The following TTYH2 variants were observed in gnomAD, a reference collection of about 807,000 sequenced individuals.
The protein encoded by TTYH2 is tweety family member 2.
A neutral mutation model predicts 68.3 loss-of-function variants in TTYH2; 49 were observed. The ratio of observed to expected loss-of-function variants is 0.72; its 90% confidence interval spans 0.57 to 0.91. The LOEUF (loss-of-function observed/expected upper bound fraction) is 0.91, where lower values mean the gene tolerates loss of function less well. Among genes scored for constraint, TTYH2 ranks in the 40% least tolerant of loss-of-function variants. The probability of loss-of-function intolerance (pLI) is 0.00; values close to 1 mark genes in which losing one functional copy is unlikely to be tolerated. For synonymous variants in TTYH2, 272 were observed against 300.8 expected, an observed-to-expected ratio of 0.90 and a Z score of 0.99; for missense variants, 631 against 700.4, an observed-to-expected ratio of 0.90 and a Z score of 1.12.
rs957824480 is a variant in TTYH2 at position 74,223,926 on chromosome 17, G to A, written c.302+1269G>A. 6.6e-5 allele frequency among the ~76,000 whole-genome samples: 10 copies of A among 152,356 alleles called. No individual in the cohort carries two copies. The East Asian group carries it at 1.4e-3, about 21-fold the overall frequency. ...GGCTCACCTAAGCCAAAACGCAGGC[G>A]AGACGCTAAAGCAGCCTTGTGGGGC... On this transcript the variant is annotated intron_variant, in intron 2 of 13. Transcript: ENST00000269346.
In TTYH2 at chr17:74,250,245, TCG is replaced by T. The variant is rs111326582; in HGVS notation, c.1024-18_1024-17del. 10 of 592,178 alleles carry T rather than the reference TCG, an allele frequency of 1.7e-5. No homozygotes were observed. The African/African-American group carries it at 6.4e-4, about 38-fold the overall frequency. The allele number at this position is 592,178 out of a possible 1,614,324, so 36.7% of individuals were successfully genotyped here. The stretch of plus-strand genomic sequence containing the variant: ...CTCCTCCACAGCCCCTCGGCCTCTC[TCG>T]CTCTCTTCCCGCTTCAGGAAGACCT... On this transcript the variant is annotated intron_variant, in intron 9 of 13. Coordinates refer to ENST00000269346, the MANE Select transcript of TTYH2 (RefSeq NM_032646.6).
Position 74,222,473 on chromosome 17 carries a change from G to T in TTYH2, c.130-12G>T. 1 of 1,604,500 alleles carries T rather than the reference G, an allele frequency of 6.2e-7. No individual in the cohort carries two copies. The highest frequency in any genetic ancestry group is 8.5e-7 in the Non-Finnish European group (1 of 1,177,952). ...GGATGAAGAGTGACAACAGGCCTCTGCTCTCTTCCAGTCGCTGCTGTTCCT... is the reference window on the plus strand; with the variant it reads ...GGATGAAGAGTGACAACAGGCCTCTTCTCTCTTCCAGTCGCTGCTGTTCCT... On this transcript the variant is annotated splice_polypyrimidine_tract_variant and intron_variant, in intron 1 of 13. Transcript: ENST00000269346. The surrounding 1 kb of genome is among the most constrained non-coding windows in gnomAD (Gnocchi z 5.2).
intron 5 of TTYH2, 101 bp from the exon 6 acceptor site, chr17:74,243,876 C>G (rs2143760801): frequency 2.7e-6 from 3 of 1,122,400 alleles, no homozygotes; most frequent in Middle Eastern, 5.9e-4. Flanking sequence ...ACTGAGGCTG[C>G]CTTTGGATCC....
intron 2 of TTYH2, 61 bp from the exon 3 acceptor site, chr17:74,230,827 T>C (rs545656036): frequency 1.2e-5 from 18 of 1,551,052 alleles, no homozygotes; most frequent in African/African-American, 5.4e-5. Flanking sequence ...TATTTTTTAA[T>C]ATAAGCAAAC....
intron 6 of TTYH2, 86 bp downstream of exon 6, chr17:74,244,135 TC>T: frequency 2.3e-6 from 3 of 1,290,026 alleles, no homozygotes; most frequent in Non-Finnish European, 3.3e-6. Flanking sequence ...CAGCTTCCGG[TC>T]CCAGCTCCTA....
chr17:74,228,597 AAC>A (rs2050355921), intron 2 of TTYH2, among the ~76,000 whole-genome samples: 1 of 152,236 alleles, frequency 6.6e-6, no homozygotes, highest in Non-Finnish European at 1.5e-5. Context: ...TGGTTAAAAC[AAC>A]ACAAAAATCA....
At chr17:74,231,350 A>G (rs1314403882) in intron 3 of TTYH2, among the ~76,000 whole-genome samples, 1 of 152,162 alleles carries the variant, frequency 6.6e-6, no homozygotes, top group African/African-American at 2.4e-5. Flanking sequence ...AGTGCTGCAT[A>G]TGGAGTATTG....
intron 6 of TTYH2, chr17:74,248,785 C>T (rs1290701347): frequency 2.1e-6 from 3 of 1,414,578 alleles, no homozygotes; most frequent in Non-Finnish European, 2.8e-6. Context: ...ATCTCCATGT[C>T]ACAGATGAGG....
chr17:74,245,770 C>T (rs2050551424), intron 6 of TTYH2, among the ~76,000 whole-genome samples: 2 of 152,180 alleles, frequency 1.3e-5, no homozygotes, highest in South Asian at 2.1e-4. Flanking sequence ...GCGGGGAGGG[C>T]GGCCGGCTGT....
chr17:74,237,580 C>A, intron 4 of TTYH2, 66 bp downstream of exon 4: 2 of 1,417,418 alleles, frequency 1.4e-6, no homozygotes, highest in Non-Finnish European at 9.6e-7. Context: ...TTATCCAAAC[C>A]TGCATGTTGA....
chr17:74,243,520 T>C, intron 5 of TTYH2, 51 bp downstream of exon 5: 1 of 1,590,350 alleles, frequency 6.3e-7, no homozygotes, highest in Non-Finnish European at 8.6e-7. Flanking sequence ...CAGGATGCCA[T>C]CATCAGAGAG....
In TTYH2 at chr17:74,232,780, A is replaced by G. The variant is rs1042002921; in HGVS notation, c.414+1781A>G. 4.6e-5 allele frequency among the ~76,000 whole-genome samples: 7 copies of G among 152,194 alleles called. No individual in the cohort carries two copies. Among genetic ancestry groups the G allele is most frequent in the African/African-American group, 1.7e-4 (7 of 41,444 alleles). Reference sequence around the variant, plus strand: ...CCAGGGCCATGACCTTCACGGGTTTAGAGAAACTCCCAGAACTCCCTTATG... The same window carrying G: ...CCAGGGCCATGACCTTCACGGGTTTGGAGAAACTCCCAGAACTCCCTTATG... On this transcript the variant is annotated intron_variant, in intron 3 of 13. Coordinates refer to ENST00000269346, the MANE Select transcript of TTYH2 (RefSeq NM_032646.6). The surrounding 1 kb of genome is among the most constrained non-coding windows in gnomAD (Gnocchi z 5.1).
chr17:74,227,828 T>C (rs1415407232), intron 2 of TTYH2, among the ~76,000 whole-genome samples: 1 of 151,496 alleles, frequency 6.6e-6, no homozygotes, highest in Non-Finnish European at 1.5e-5. Context: ...AAAAGGCACA[T>C]TCCCAGACCA....
At chr17:74,250,505 G>A (rs2050611226) in intron 10 of TTYH2, 148 bp downstream of exon 10, 1 of 670,478 alleles carries the variant, frequency 1.5e-6, no homozygotes, top group Admixed American at 2.9e-5. Context: ...TAATGGGAAG[G>A]GAGGGGGTGC....
chr17:74,228,181 G>C (rs943698688), intron 2 of TTYH2, among the ~76,000 whole-genome samples: 1 of 151,692 alleles, frequency 6.6e-6, no homozygotes, highest in Non-Finnish European at 1.5e-5. Context: ...ATGGGGTTTC[G>C]CCATGTTGGC....
Position 74,260,372 on chromosome 17 carries a change from C to A in TTYH2, c.*163C>A. The A allele has an allele frequency of 1.5e-6, 1 of 685,710 alleles. No homozygotes were observed. Among genetic ancestry groups the A allele is most frequent in the Non-Finnish European group, 2.5e-6 (1 of 395,248 alleles). The allele number at this position is 685,710 out of a possible 1,614,324, so 42.5% of individuals were successfully genotyped here. ...TTCCCGACCAAAGCCCCAGGGGGTG[C>A]AGAAGACTCACCACGCGGGCCAGCC... On this transcript the variant is annotated 3_prime_UTR_variant, in exon 14 of 14. Transcript: ENST00000269346.
In TTYH2 at chr17:74,213,585, G is replaced by C; in HGVS notation, c.-3G>C. The C allele has an allele frequency of 6.2e-7, 1 of 1,609,864 alleles. No homozygotes were observed. Among genetic ancestry groups the C allele is most frequent in the Non-Finnish European group, 8.5e-7 (1 of 1,178,682 alleles). On this transcript the variant is annotated 5_prime_UTR_variant, in exon 1 of 14. Transcript: ENST00000269346. This position sits in a 1 kb window ranked among gnomAD's most constrained non-coding sequence, Gnocchi z 6.1. ...AGCTTGTGGGTAGCACTCGGGCCGA[G>C]CCATGCAGGCGGCGCGCGTGGACTA...
In TTYH2 at chr17:74,241,262, C is replaced by CGTGTGTGT. The variant is rs199960092; in HGVS notation, c.636-2084_636-2077dup. On this transcript the variant is annotated intron_variant, in intron 4 of 13. Coordinates refer to ENST00000269346, the MANE Select transcript of TTYH2 (RefSeq NM_032646.6). This position sits in a 1 kb window ranked among gnomAD's most constrained non-coding sequence, Gnocchi z 4.1. Reference sequence around the variant, plus strand: ...ATAGACAGACCCGGTATTTATAATACGTGTGTGTGTGTGTGTGTGTGTGTG... The same window carrying CGTGTGTGT: ...ATAGACAGACCCGGTATTTATAATACGTGTGTGTGTGTGTGTGTGTGTGTGTGTGTGTG... Among the ~76,000 whole-genome samples, 911 of 144,780 alleles carry CGTGTGTGT rather than the reference C, an allele frequency of 6.3e-3. 5 individuals are homozygous for CGTGTGTGT. The highest frequency in any genetic ancestry group is 0.011 in the Admixed American group (151 of 14,330). The allele number at this position is 144,780 out of a possible 152,430, so 95.0% of individuals were successfully genotyped here.
At chr17:74,238,349 A>C (rs2143751171) in intron 4 of TTYH2, among the ~76,000 whole-genome samples, 1 of 152,250 alleles carries the variant, frequency 6.6e-6, no homozygotes, top group South Asian at 2.1e-4. Flanking sequence ...CCTGGGCCTA[A>C]GCGTGGAGGA....
Sources: gnomAD v4.1 joint callset for allele counts (sites outside exome capture counted in the v4.1 genomes callset) on GRCh38, gnomAD v4.1.1 for gene constraint, Gnocchi (gnomAD v3.1) non-coding constraint, MANE v1.5 for transcripts, NCBI Gene and HGNC (gene_info 2026-07-23, HGNC 2026-07-21) for gene names.